The following ATG5 variants were observed in gnomAD, a reference collection of about 807,000 sequenced individuals.
The protein encoded by ATG5 is autophagy related 5.
Under a neutral mutation model 36.5 loss-of-function variants are expected in ATG5, and 14 were observed. The observed-to-expected ratio is 0.38, with a 90% CI of 0.25 to 0.60. The LOEUF is 0.60. Among genes scored for constraint, ATG5 ranks in the 20% least tolerant of loss-of-function variants. ATG5 has a pLI of 0.60. For missense variants in ATG5, 195 were observed against 326.7 expected (o/e 0.60, Z 3.11); for synonymous variants, 95 against 101.5 (o/e 0.94, Z 0.38).
intron 4 of ATG5, among the ~76,000 whole-genome samples, chr6:106,288,783 A>G (rs1780185762): frequency 6.6e-6 from 1 of 152,208 alleles, no homozygotes; most frequent in South Asian, 2.1e-4. Flanking sequence ...GAAAATCACT[A>G]TTGTAGACAT....
At chr6:106,237,671 A>C (rs1005226844) in intron 6 of ATG5, among the ~76,000 whole-genome samples, 3 of 152,258 alleles carry the variant, frequency 2.0e-5, no homozygotes, top group African/African-American at 4.8e-5. Flanking sequence ...TTAGAGCAAT[A>C]GTAGAAAATA....
intron 7 of ATG5, among the ~76,000 whole-genome samples, chr6:106,200,522 T>C (rs375177407): frequency 2.0e-5 from 3 of 151,894 alleles, no homozygotes; most frequent in East Asian, 3.9e-4. Flanking sequence ...TCACCAAGGC[T>C]GGAGTGCAGT....
intron 2 of ATG5, among the ~76,000 whole-genome samples, chr6:106,312,118 A>G (rs1414454957): frequency 1.3e-5 from 2 of 152,220 alleles, no homozygotes; most frequent in Non-Finnish European, 2.9e-5. Context: ...GGCGTGAGCC[A>G]CTGTGCCTGG....
chr6:106,270,348 G>T (rs1016051542), intron 5 of ATG5, among the ~76,000 whole-genome samples: 1 of 152,106 alleles, frequency 6.6e-6, no homozygotes, highest in African/African-American at 2.4e-5. Context: ...ACTTTCTCAC[G>T]AAGTTGTAGA....
intron 5 of ATG5, among the ~76,000 whole-genome samples, chr6:106,277,640 C>A (rs1164263709): frequency 1.3e-5 from 2 of 152,206 alleles, no homozygotes; most frequent in African/African-American, 4.8e-5. Flanking sequence ...CATGGCAAAA[C>A]CCTGTTTCTA....
chr6:106,322,943 G>C, intron 1 of ATG5, among the ~76,000 whole-genome samples: 1 of 151,462 alleles, frequency 6.6e-6, no homozygotes, highest in African/African-American at 2.4e-5. Context: ...ATTTTGAGAC[G>C]GGGTCTCGCT....
At chr6:106,314,522 C>T (rs1362681478) in intron 2 of ATG5, among the ~76,000 whole-genome samples, 1 of 151,806 alleles carries the variant, frequency 6.6e-6, no homozygotes, top group Non-Finnish European at 1.5e-5. Context: ...GCACTACTGC[C>T]CCCTCCAGCC....
intron 3 of ATG5, among the ~76,000 whole-genome samples, chr6:106,294,160 CACA>C (rs532956567): frequency 8.6e-4 from 131 of 152,186 alleles, no homozygotes; most frequent in African/African-American, 3.1e-3. Flanking sequence ...ACCCTGTACT[CACA>C]ACAAGGGCAA....
At chr6:106,248,385 T>C (rs905873396) in intron 5 of ATG5, 141 bp from the exon 6 acceptor site, 16 of 549,224 alleles carry the variant, frequency 2.9e-5, no homozygotes, top group African/African-American at 2.6e-4. Context: ...TTATTAAACT[T>C]ATCTTTCCAT....
chr6:106,257,606 C>T lies in ATG5; in HGVS notation c.479-9362G>A, dbSNP rs556231485. Among the ~76,000 whole-genome samples the T allele has an allele frequency of 5.3e-5, 8 of 152,286 alleles. No homozygotes were observed. The East Asian group carries it at 1.5e-3, about 29-fold the overall frequency. On this transcript the variant is annotated intron_variant, in intron 5 of 7. Coordinates refer to ENST00000369076, the MANE Select transcript of ATG5 (RefSeq NM_004849.4). ...GGGATCTAGGTTCAAATTCTGGTTC[C>T]ACCTCTTGGTAGTTCTGTGAACTCA...
rs910518127 is a variant in ATG5, at chr6:106,201,175, T to A, written c.691+797A>T. 1.2e-4 allele frequency among the ~76,000 whole-genome samples: 19 copies of A among 152,278 alleles called. No homozygotes were observed. In the East Asian group the frequency reaches 1.5e-3, roughly 12 times the overall value. On this transcript the variant is annotated intron_variant, in intron 7 of 7. Coordinates refer to ENST00000369076, the MANE Select transcript of ATG5 (RefSeq NM_004849.4). Reference sequence around the variant, plus strand: ...ACAATCATCCATTTTCTTTCCCAAATGTTTTTTATCTGCTGTGGGCATGAT... The same window carrying A: ...ACAATCATCCATTTTCTTTCCCAAAAGTTTTTTATCTGCTGTGGGCATGAT...
At chr6:106,190,831 G>A (rs1775941907) in intron 7 of ATG5, among the ~76,000 whole-genome samples, 2 of 152,042 alleles carry the variant, frequency 1.3e-5, no homozygotes. Flanking sequence ...AACTTCTTAT[G>A]TATATATTAA....
intron 4 of ATG5, among the ~76,000 whole-genome samples, chr6:106,290,242 CTATTTTATTT>C (rs141730376): frequency 1.4e-5 from 2 of 147,170 alleles, no homozygotes; most frequent in African/African-American, 4.9e-5. Context: ...TTTTATTTAT[CTATTTTATTT>C]TATTTTATTT....
chr6:106,238,403 T>C (rs900733602), intron 6 of ATG5, among the ~76,000 whole-genome samples: 2 of 152,336 alleles, frequency 1.3e-5, no homozygotes, highest in Admixed American at 6.5e-5. Context: ...CATATATCTC[T>C]AAATGAAAAA....
chr6:106,196,744 G>C (rs759937046), intron 7 of ATG5, among the ~76,000 whole-genome samples: 44 of 148,544 alleles, frequency 3.0e-4, no homozygotes, highest in Non-Finnish European at 5.7e-4. Flanking sequence ...AAAGTAGATT[G>C]AAAGTTCTAC....
At chr6:106,266,382 CCAGACGGATTCA>C (rs1226190045) in intron 5 of ATG5, among the ~76,000 whole-genome samples, 1 of 152,142 alleles carries the variant, frequency 6.6e-6, no homozygotes, top group East Asian at 1.9e-4. Context: ...AAGTCCAGGA[CCAGACGGATTCA>C]CAGCTGAATT....
In ATG5 at chr6:106,186,549, T is replaced by C. The variant is rs780219305; in HGVS notation, c.819A>G (p.Pro273=). The change falls in exon 8 of 8, where the codon CCA becomes CCG. Residue 273 remains proline (P), a synonymous_variant. Coordinates refer to ENST00000369076, the MANE Select transcript of ATG5 (RefSeq NM_004849.4). ...GCAAATAGTTGATCCTTCAATCTGTTGGCTGTGGGATGATACTAATATGAA... is the reference window on the plus strand; with the variant it reads ...GCAAATAGTTGATCCTTCAATCTGTCGGCTGTGGGATGATACTAATATGAA... ...NFLHISIIPQ[P]TD is the part of the protein sequence containing the mutation. The C allele has an allele frequency of 3.1e-6, 5 of 1,613,488 alleles. No individual in the cohort carries two copies. The highest frequency in any genetic ancestry group is 1.7e-5 in the Admixed American group (1 of 59,980).
At chr6:106,292,514 A>T (rs1780350324) in intron 4 of ATG5, among the ~76,000 whole-genome samples, 1 of 152,198 alleles carries the variant, frequency 6.6e-6, no homozygotes. Flanking sequence ...CCCTTCTCTT[A>T]ATTCATTCAA....
intron 5 of ATG5, among the ~76,000 whole-genome samples, chr6:106,253,992 C>T (rs1245962178): frequency 6.6e-6 from 1 of 152,148 alleles, no homozygotes; most frequent in African/African-American, 2.4e-5. Context: ...AAAGTTATTG[C>T]TGCATTTCTC....
Sources: allele counts gnomAD v4.1 joint callset (sites outside exome capture counted in the v4.1 genomes callset), GRCh38; gene constraint gnomAD v4.1.1; transcripts MANE v1.5; gene names NCBI Gene and HGNC (gene_info 2026-07-23, HGNC 2026-07-21).